CSMD3: variants seen among roughly 807,000 people sequenced by gnomAD.
The protein encoded by CSMD3 is CUB and Sushi multiple domains 3, also known as CUB and sushi domain-containing protein 3.
A neutral mutation model predicts 435.2 loss-of-function variants in CSMD3; 177 were observed. The ratio of observed to expected loss-of-function variants is 0.41; its 90% CI spans 0.36 to 0.46. CSMD3 has a LOEUF of 0.46. CSMD3 is among the 20% of genes least tolerant of loss of function. The pLI is 0.34. For missense variants in CSMD3, 4,265 were observed against 4,504.6 expected (o/e 0.95, Z 1.52); for synonymous variants, 1,656 against 1,520.5 (o/e 1.09, Z -2.07).
intron 65 of CSMD3, among the ~76,000 whole-genome samples, chr8:112,242,042 G>A (rs1035935146): frequency 2.0e-5 from 3 of 152,102 alleles, no homozygotes; most frequent in African/African-American, 4.8e-5. Flanking sequence ...GATTTGTGTT[G>A]CTTTATCATC....
chr8:112,548,455 G>A lies in CSMD3; in HGVS notation c.4564+2216C>T, dbSNP rs191304020. 2.5e-3 allele frequency among the ~76,000 whole-genome samples: 384 copies of A among 152,216 alleles called. 2 individuals are homozygous for A. The highest frequency in any genetic ancestry group is 8.9e-3 in the African/African-American group (370 of 41,548). On this transcript the variant is annotated intron_variant, in intron 27 of 70. Coordinates refer to ENST00000297405, the MANE Select transcript of CSMD3 (RefSeq NM_198123.2). ...ATAATAACTACTAAGCATTTAGTAT[G>A]TACAAAGCATGACATTAATCTCCTT... is the stretch of plus-strand genomic sequence containing the variant.
intron 3 of CSMD3, among the ~76,000 whole-genome samples, chr8:113,258,289 A>G (rs1239461049): frequency 6.6e-6 from 1 of 152,172 alleles, no homozygotes; most frequent in African/African-American, 2.4e-5. Flanking sequence ...GAACGAGAGT[A>G]TTTTCATCTT....
intron 27 of CSMD3, among the ~76,000 whole-genome samples, chr8:112,534,349 C>T (rs905555634): frequency 1.3e-5 from 2 of 152,082 alleles, no homozygotes; most frequent in Non-Finnish European, 2.9e-5. Context: ...GATATCACCA[C>T]CAATCCCACA....
rs1563751959 is a variant in CSMD3, at chr8:112,295,837, A to G, written c.8610T>C (p.Cys2870=). The change falls in exon 54 of 71, where the codon TGT becomes TGC. Residue 2870 remains cysteine (C), a synonymous_variant. Coordinates refer to ENST00000297405, the MANE Select transcript of CSMD3 (RefSeq NM_198123.2). ...DHNWSGQLPS[C]VPVSCGHPGS... ...GCTTTTGCCATGCTTACTTACGCAC[A>G]CAGGATGGGAGCTGACCAGACCAAT... 2 of 1,613,900 alleles carry G rather than the reference A, an allele frequency of 1.2e-6. No homozygotes were observed. Among genetic ancestry groups the G allele is most frequent in the Non-Finnish European group, 1.7e-6 (2 of 1,179,920 alleles).
At chr8:113,181,856 A>G (rs1275110011) in intron 3 of CSMD3, among the ~76,000 whole-genome samples, 2 of 152,022 alleles carry the variant, frequency 1.3e-5, no homozygotes, top group Non-Finnish European at 2.9e-5. Flanking sequence ...AGAATAATAG[A>G]AAAATATGAA....
chr8:113,025,199 A>G (rs77255174), intron 5 of CSMD3, among the ~76,000 whole-genome samples: 5 of 151,756 alleles, frequency 3.3e-5, no homozygotes, highest in East Asian at 1.9e-4. Flanking sequence ...TTCTTTCCCT[A>G]TGCGTATATC....
intron 12 of CSMD3, among the ~76,000 whole-genome samples, chr8:112,825,712 C>G (rs2132456055): frequency 6.6e-6 from 1 of 152,218 alleles, no homozygotes; most frequent in Admixed American, 6.5e-5. Flanking sequence ...CTGTTCCTTC[C>G]TCTGGGATCT....
At chr8:113,384,385 C>T (rs2094430709) in intron 1 of CSMD3, among the ~76,000 whole-genome samples, 1 of 152,152 alleles carries the variant, frequency 6.6e-6, no homozygotes, top group Admixed American at 6.6e-5. Context: ...TATAGTGTAT[C>T]AGTCAGGATC....
intron 5 of CSMD3, among the ~76,000 whole-genome samples, chr8:113,048,083 C>G (rs1299698797): frequency 9.4e-6 from 1 of 106,948 alleles, no homozygotes; most frequent in Non-Finnish European, 1.8e-5. Context: ...AACTTCAATT[C>G]TTTTTTTTTT....
chr8:113,323,719 G>A (rs1443548619), intron 1 of CSMD3, among the ~76,000 whole-genome samples: 1 of 151,708 alleles, frequency 6.6e-6, no homozygotes, highest in Non-Finnish European at 1.5e-5. Context: ...AAATTATTTG[G>A]GCTACTCACA....
intron 22 of CSMD3, among the ~76,000 whole-genome samples, chr8:112,615,791 C>G (rs536736218): frequency 6.6e-6 from 1 of 152,116 alleles, no homozygotes; most frequent in African/African-American, 2.4e-5. Context: ...CAAAATGTAA[C>G]AAAGGAACGG....
chr8:112,441,325 T>C (rs1331344138), intron 32 of CSMD3, among the ~76,000 whole-genome samples: 1 of 152,180 alleles, frequency 6.6e-6, no homozygotes, highest in Non-Finnish European at 1.5e-5. Context: ...GTCAGCGTTT[T>C]GGTCAAAGCT....
At chr8:112,257,960 C>G (rs189101324) in intron 61 of CSMD3, among the ~76,000 whole-genome samples, 2 of 152,064 alleles carry the variant, frequency 1.3e-5, no homozygotes, top group Admixed American at 1.3e-4. Context: ...AGAACAGAGG[C>G]CTCAGAAATA....
intron 4 of CSMD3, among the ~76,000 whole-genome samples, chr8:113,160,167 T>C (rs2092011646): frequency 6.6e-6 from 1 of 152,022 alleles, no homozygotes; most frequent in African/African-American, 2.4e-5. Context: ...TTTGATTGTT[T>C]ATATGTATGT....
intron 4 of CSMD3, among the ~76,000 whole-genome samples, chr8:113,155,134 T>G (rs923769522): frequency 2.0e-5 from 3 of 151,944 alleles, no homozygotes. Flanking sequence ...AAGCAACAAG[T>G]AAAGAGTGAA....
At chr8:112,271,765 C>T (rs1456981523) in intron 59 of CSMD3, among the ~76,000 whole-genome samples, 1 of 152,080 alleles carries the variant, frequency 6.6e-6, no homozygotes, top group African/African-American at 2.4e-5. Context: ...CACTCAATAA[C>T]AGATACTATT....
In CSMD3 at chr8:112,532,567, C is replaced by CA. The variant is rs199607597; in HGVS notation, c.4565-15343dup. Among the ~76,000 whole-genome samples, 360 of 151,924 alleles carry CA rather than the reference C, an allele frequency of 2.4e-3. 8 individuals carry two copies. The highest frequency in any genetic ancestry group is 0.017 in the Admixed American group (255 of 15,228). Reference sequence around the variant, plus strand: ...CATGGAATATTCAAAGTGCTAAAGGCAAAAAAATTTCTAACCAAGAATATA... The same window carrying CA: ...CATGGAATATTCAAAGTGCTAAAGGCAAAAAAAATTTCTAACCAAGAATATA... On this transcript the variant is annotated intron_variant, in intron 27 of 70. Coordinates refer to ENST00000297405, the MANE Select transcript of CSMD3 (RefSeq NM_198123.2).
intron 5 of CSMD3, among the ~76,000 whole-genome samples, chr8:113,030,225 T>C (rs769296128): frequency 6.7e-6 from 1 of 150,124 alleles, no homozygotes; most frequent in Non-Finnish European, 1.5e-5. Flanking sequence ...ACAAATTCAA[T>C]GCAATCCCCA....
At chr8:112,636,389 T>C (rs2074657670) in intron 22 of CSMD3, among the ~76,000 whole-genome samples, 1 of 152,120 alleles carries the variant, frequency 6.6e-6, no homozygotes, top group African/African-American at 2.4e-5. Context: ...AGTTATAAAA[T>C]ATTGTCAAAA....
Sources: gnomAD v4.1 joint callset for allele counts (sites outside exome capture counted in the v4.1 genomes callset) on GRCh38, gnomAD v4.1.1 for gene constraint, MANE v1.5 for transcripts, NCBI Gene and HGNC (gene_info 2026-07-23, HGNC 2026-07-21) for gene names.